PTPRK: variants seen among roughly 807,000 people sequenced by gnomAD.
The protein encoded by PTPRK is protein tyrosine phosphatase receptor type K.
Under a neutral mutation model 178.0 loss-of-function variants are expected in PTPRK, and 75 were observed. The observed-to-expected ratio is 0.42, with a 90% confidence interval of 0.35 to 0.51. PTPRK has a LOEUF of 0.51. PTPRK is among the 20% of genes least tolerant of loss of function. The pLI is 0.02. For synonymous variants in PTPRK, 637 were observed against 620.6 expected, an observed-to-expected ratio of 1.03 and a Z score of -0.39; for missense variants, 1,441 against 1,797.8, an observed-to-expected ratio of 0.80 and a Z score of 3.59.
intron 1 of PTPRK, among the ~76,000 whole-genome samples, chr6:128,438,344 T>C (rs552180468): frequency 3.3e-5 from 5 of 152,198 alleles, no homozygotes; most frequent in Non-Finnish European, 7.3e-5. Context: ...ACAGTAACAC[T>C]CTAAACCATA....
chr6:128,363,971 A>G (rs543934675), intron 2 of PTPRK, among the ~76,000 whole-genome samples: 5 of 152,208 alleles, frequency 3.3e-5, no homozygotes, highest in Non-Finnish European at 7.4e-5. Context: ...CTACACTTCA[A>G]AAGTAGAAGG....
rs140697198 is a variant in PTPRK at position 128,106,150 on chromosome 6, T to A, written c.1163-16158A>T. On this transcript the variant is annotated intron_variant, in intron 7 of 29. Transcript: ENST00000368226. ...TTATAGAGTTGAATTAAGGATAAAA[T>A]AAGATGCGATAATAGAAAGTACATA... 9.7e-4 allele frequency among the ~76,000 whole-genome samples: 148 copies of A among 152,224 alleles called. 1 individual carries two copies. The highest frequency in any genetic ancestry group is 1.5e-3 in the Non-Finnish European group (105 of 67,988).
intron 6 of PTPRK, among the ~76,000 whole-genome samples, chr6:128,188,554 G>T (rs373920844): frequency 6.6e-6 from 1 of 152,042 alleles, no homozygotes; most frequent in African/African-American, 2.4e-5. Context: ...ATAAAGTATC[G>T]TAAGATTAGT....
Position 128,176,057 on chromosome 6 carries a change from G to A in PTPRK, c.1162+8375C>T, listed in dbSNP as rs369917974. Among the ~76,000 whole-genome samples the A allele has an allele frequency of 1.4e-3, 207 of 151,906 alleles. 4 individuals are homozygous for A. In the South Asian group the frequency reaches 0.037, roughly 27 times the overall value. ...TGGAGAAGCAGGAAAGAGGACTCTG[G>A]AACAATGACTCTGCTTTAATATTCT... On this transcript the variant is annotated intron_variant, in intron 7 of 29. Coordinates refer to ENST00000368226, the MANE Select transcript of PTPRK (RefSeq NM_002844.4).
At chr6:128,452,291 G>T (rs551574176) in intron 1 of PTPRK, among the ~76,000 whole-genome samples, 1 of 152,042 alleles carries the variant, frequency 6.6e-6, no homozygotes, top group Non-Finnish European at 1.5e-5. Context: ...ATGGTCATCC[G>T]AGTCCTCTCT....
intron 6 of PTPRK, among the ~76,000 whole-genome samples, chr6:128,213,002 A>T (rs943605488): frequency 1.3e-5 from 2 of 152,028 alleles, no homozygotes; most frequent in African/African-American, 2.4e-5. Context: ...AATTATATGA[A>T]GTCCCAGTCA....
At chr6:128,423,419 AGT>A (rs1843726006) in intron 1 of PTPRK, among the ~76,000 whole-genome samples, 1 of 151,950 alleles carries the variant, frequency 6.6e-6, no homozygotes, top group South Asian at 2.1e-4. Context: ...TCTATGTGTG[AGT>A]GTGAGTGTGT....
intron 1 of PTPRK, among the ~76,000 whole-genome samples, chr6:128,448,944 C>T (rs1041496783): frequency 9.2e-5 from 14 of 152,256 alleles, no homozygotes; most frequent in African/African-American, 3.4e-4. Flanking sequence ...ATTGCAACCT[C>T]CGCCTCCTGG....
At chr6:128,349,477 A>G (rs1200141354) in intron 2 of PTPRK, among the ~76,000 whole-genome samples, 1 of 152,102 alleles carries the variant, frequency 6.6e-6, no homozygotes, top group Non-Finnish European at 1.5e-5. Flanking sequence ...CCAAATATAA[A>G]TAATTGAACA....
intron 1 of PTPRK, among the ~76,000 whole-genome samples, chr6:128,417,730 C>G (rs1842999227): frequency 6.6e-6 from 1 of 152,172 alleles, no homozygotes; most frequent in Non-Finnish European, 1.5e-5. Context: ...AGTATCTCTT[C>G]CTTAACTTTC....
At chr6:127,982,397 C>T (rs534409346) in intron 24 of PTPRK, among the ~76,000 whole-genome samples, 2 of 151,922 alleles carry the variant, frequency 1.3e-5, no homozygotes, top group East Asian at 1.9e-4. Context: ...CTCAGCCTCC[C>T]GAGTAGCTGG....
intron 7 of PTPRK, among the ~76,000 whole-genome samples, chr6:128,105,143 T>A (rs977410160): frequency 3.3e-5 from 5 of 151,650 alleles, no homozygotes; most frequent in African/African-American, 1.2e-4. Flanking sequence ...TTTTTTTTTT[T>A]TTTCTTTTGA....
intron 1 of PTPRK, among the ~76,000 whole-genome samples, chr6:128,426,937 T>C (rs549563716): frequency 1.3e-5 from 2 of 152,336 alleles, no homozygotes; most frequent in East Asian, 3.9e-4. Context: ...AGTCTTTTGA[T>C]AATGGAATCT....
chr6:128,335,165 G>T (rs1052337648), intron 2 of PTPRK, among the ~76,000 whole-genome samples: 1 of 152,098 alleles, frequency 6.6e-6, no homozygotes, highest in Non-Finnish European at 1.5e-5. Flanking sequence ...TAACAGCCAC[G>T]TTCTGTCACT....
In PTPRK at chr6:128,397,114, C is replaced by T. The variant is rs570009549; in HGVS notation, c.223+452G>A. 3.9e-5 allele frequency among the ~76,000 whole-genome samples: 6 copies of T among 152,282 alleles called. No homozygotes were observed. In the South Asian group the frequency reaches 1.2e-3, roughly 32 times the overall value. On this transcript the variant is annotated intron_variant, in intron 2 of 29. Transcript: ENST00000368226. The stretch of plus-strand genomic sequence containing the variant: ...CACTGCCTCCCCTCAGAGTCACTGG[C>T]ATGCTCATGACCACTGGGAGAAAGA...
At chr6:127,984,647 A>G (rs1334383718) in intron 22 of PTPRK, among the ~76,000 whole-genome samples, 1 of 152,200 alleles carries the variant, frequency 6.6e-6, no homozygotes, top group Non-Finnish European at 1.5e-5. Flanking sequence ...AAGTGCTTAG[A>G]TAGGCTAGTA....
intron 7 of PTPRK, among the ~76,000 whole-genome samples, chr6:128,175,383 T>C (rs72983964): frequency 6.6e-6 from 1 of 151,926 alleles, no homozygotes; most frequent in Non-Finnish European, 1.5e-5. Context: ...TTCAGTTATG[T>C]GGAAAAAAGG....
intron 1 of PTPRK, among the ~76,000 whole-genome samples, chr6:128,432,772 A>C (rs546212482): frequency 4.6e-4 from 69 of 150,948 alleles, no homozygotes; most frequent in South Asian, 2.1e-3. Flanking sequence ...ACACACACAC[A>C]CCCTAACTCA....
intron 3 of PTPRK, among the ~76,000 whole-genome samples, chr6:128,257,517 T>G (rs1313496791): frequency 6.6e-6 from 1 of 152,110 alleles, no homozygotes; most frequent in African/African-American, 2.4e-5. Context: ...CAAGAAATAT[T>G]TATTGCATAC....
Sources: allele counts gnomAD v4.1 joint callset (sites outside exome capture counted in the v4.1 genomes callset), GRCh38; gene constraint gnomAD v4.1.1; transcripts MANE v1.5; gene names NCBI Gene and HGNC (gene_info 2026-07-23, HGNC 2026-07-21).